Variants in TMEM131 observed in about 807,000 individuals in gnomAD.
TMEM131 encodes the protein 2610524E03Rik.
TMEM131 carries 66 observed loss-of-function variants against 211.6 expected under a neutral mutation model. The observed-to-expected ratio is 0.31, with a 90% confidence interval of 0.26 to 0.38. TMEM131 has a LOEUF of 0.38. TMEM131 is among the 10% of genes least tolerant of loss of function. The pLI, the probability that TMEM131 is intolerant of heterozygous loss-of-function variation, is 1.00. For missense variants in TMEM131, 2,036 were observed against 2,299.3 expected, an observed-to-expected ratio of 0.89 and a Z score of 2.34; for synonymous variants, 844 against 841.3, an observed-to-expected ratio of 1.00 and a Z score of -0.06.
chr2:97,972,516 G>T (rs1323144204), intron 1 of TMEM131, among the ~76,000 whole-genome samples: 1 of 151,794 alleles, frequency 6.6e-6, no homozygotes, highest in Non-Finnish European at 1.5e-5. Flanking sequence ...AGGCAGGCAG[G>T]CAGGCAGGCA....
intron 4 of TMEM131, among the ~76,000 whole-genome samples, chr2:97,869,965 C>A (rs1674426918): frequency 6.6e-6 from 1 of 152,188 alleles, no homozygotes; most frequent in Admixed American, 6.5e-5. Flanking sequence ...CTTTTAAGTT[C>A]ATTCTGGTTG....
At chr2:97,803,309 T>A (rs1681121921) in intron 22 of TMEM131, among the ~76,000 whole-genome samples, 1 of 152,180 alleles carries the variant, frequency 6.6e-6, no homozygotes, top group Non-Finnish European at 1.5e-5. Context: ...TTTTCCCCCT[T>A]GATATAAAGA....
intron 1 of TMEM131, among the ~76,000 whole-genome samples, chr2:97,937,934 G>A (rs1466099673): frequency 2.0e-5 from 3 of 152,092 alleles, no homozygotes; most frequent in South Asian, 2.1e-4. Context: ...ACTAAACTTC[G>A]TAAGTGAAAG....
chr2:97,860,970 G>A (rs1479602960), intron 4 of TMEM131, among the ~76,000 whole-genome samples: 1 of 152,178 alleles, frequency 6.6e-6, no homozygotes, highest in Non-Finnish European at 1.5e-5. Context: ...CACAGAGAGA[G>A]AGTCTGTGCA....
At position 97,826,176 on chromosome 2, in the gene TMEM131, ATGCCATAGTTAATG is replaced by A. The variant is rs1393728834; in HGVS notation, c.1074+7175_1074+7188del. On this transcript the variant is annotated intron_variant, in intron 11 of 40. Coordinates refer to ENST00000186436, the MANE Select transcript of TMEM131 (RefSeq NM_015348.2). The stretch of plus-strand genomic sequence containing the variant: ...GAAAATGGGATATGAAGGGCAGGTT[ATGCCATAGTTAATG>A]ATGCAACCGTACTTGAAAGTAAGCC... Among the ~76,000 whole-genome samples, 13 of 152,362 alleles carry A rather than the reference ATGCCATAGTTAATG, an allele frequency of 8.5e-5. No homozygotes were observed. The South Asian group carries it at 2.1e-3, about 24-fold the overall frequency.
At chr2:97,940,726 G>A (rs900861845) in intron 1 of TMEM131, among the ~76,000 whole-genome samples, 3 of 151,308 alleles carry the variant, frequency 2.0e-5, no homozygotes, top group South Asian at 2.1e-4. Context: ...GGAGAATTGC[G>A]TGAACCTAGG....
At chr2:97,935,866 C>G (rs1286870362) in intron 1 of TMEM131, among the ~76,000 whole-genome samples, 1 of 152,198 alleles carries the variant, frequency 6.6e-6, no homozygotes, top group Non-Finnish European at 1.5e-5. Flanking sequence ...TCAACAAGAA[C>G]AGTGAAATAT....
At chr2:97,772,601 T>C (rs1559349467) in intron 32 of TMEM131, among the ~76,000 whole-genome samples, 177 bp from the exon 33 acceptor site, 1 of 152,210 alleles carries the variant, frequency 6.6e-6, no homozygotes, top group Non-Finnish European at 1.5e-5. Flanking sequence ...TTTGGCCTTC[T>C]TTAATTTGTC....
chr2:97,792,310 A>G, intron 31 of TMEM131, 76 bp downstream of exon 31: 5 of 1,244,030 alleles, frequency 4.0e-6, no homozygotes, highest in Non-Finnish European at 5.5e-6. Context: ...CCACAACTAT[A>G]ATCTTAATAG....
intron 4 of TMEM131, among the ~76,000 whole-genome samples, chr2:97,881,743 T>C (rs1208084189): frequency 1.1e-5 from 1 of 91,516 alleles, no homozygotes; most frequent in African/African-American, 4.5e-5. Context: ...GCGGGGGAGG[T>C]AGATGTTGAA....
intron 29 of TMEM131, among the ~76,000 whole-genome samples, chr2:97,794,252 T>C (rs1342900916): frequency 6.6e-6 from 1 of 151,884 alleles, no homozygotes; most frequent in Non-Finnish European, 1.5e-5. Flanking sequence ...GCAAGGCTGG[T>C]CTTGAATTCC....
At chr2:97,834,585 A>C (rs749893527) in intron 10 of TMEM131, 36 bp downstream of exon 10, 13 of 1,480,992 alleles carry the variant, frequency 8.8e-6, no homozygotes, top group South Asian at 4.0e-5. Flanking sequence ...AAAAAAAAAA[A>C]AACTCCATAA....
chr2:97,881,723 A>AGGGGGGGGG (rs59488414), intron 4 of TMEM131, among the ~76,000 whole-genome samples: 3 of 65,562 alleles, frequency 4.6e-5, no homozygotes, highest in South Asian at 8.3e-4. Flanking sequence ...AAAAAAAAAA[A>AGGGGGGGGG]GGGGGGGGGG....
At chr2:97,980,021 C>T (rs145682405) in intron 1 of TMEM131, among the ~76,000 whole-genome samples, 8 of 152,194 alleles carry the variant, frequency 5.3e-5, no homozygotes, top group African/African-American at 1.9e-4. Flanking sequence ...TCAGAGAAAA[C>T]GACAGCCTGA....
At chr2:97,915,154 T>G (rs578193460) in intron 2 of TMEM131, among the ~76,000 whole-genome samples, 4 of 152,286 alleles carry the variant, frequency 2.6e-5, no homozygotes, top group Admixed American at 6.5e-5. Flanking sequence ...CAGGGAAATG[T>G]GTGCTCATCT....
At chr2:97,803,733 A>C (rs1171998813) in intron 22 of TMEM131, among the ~76,000 whole-genome samples, 1 of 152,198 alleles carries the variant, frequency 6.6e-6, no homozygotes, top group African/African-American at 2.4e-5. Context: ...AGGTCTTAGC[A>C]ATGGGGTGCT....
At chr2:97,968,145 G>T (rs931385048) in intron 1 of TMEM131, among the ~76,000 whole-genome samples, 1 of 152,016 alleles carries the variant, frequency 6.6e-6, no homozygotes, top group African/African-American at 2.4e-5. Flanking sequence ...TGCAAAGCCA[G>T]AATTGTGTCA....
intron 3 of TMEM131, among the ~76,000 whole-genome samples, chr2:97,895,658 A>C (rs1469702533): frequency 1.3e-5 from 2 of 152,168 alleles, no homozygotes; most frequent in African/African-American, 2.4e-5. Context: ...ATTTGCGTAG[A>C]GGTGTTTATA....
chr2:97,760,417 G>A (rs1358740881), intron 38 of TMEM131, 176 bp downstream of exon 38: 33 of 645,514 alleles, frequency 5.1e-5, no homozygotes, highest in Non-Finnish European at 8.0e-5. Flanking sequence ...CACCGCAGCC[G>A]GCTTTCTGCT....
Sources: allele counts gnomAD v4.1 joint callset (sites outside exome capture counted in the v4.1 genomes callset), GRCh38; gene constraint gnomAD v4.1.1; transcripts MANE v1.5; gene names NCBI Gene and HGNC (gene_info 2026-07-23, HGNC 2026-07-21).